Variants in NUP43 observed in about 807,000 individuals in gnomAD.
NUP43 encodes nucleoporin Nup43.
In NUP43, 32 loss-of-function variants were observed where a neutral mutation model predicts 47.3. That is an observed-to-expected ratio of 0.68 (90% CI 0.51 to 0.91). The LOEUF is 0.91. Among genes scored for constraint, NUP43 ranks in the 40% least tolerant of loss-of-function variants. The pLI, the probability that NUP43 is intolerant of heterozygous loss-of-function variation, is 0.00. For synonymous variants in NUP43, 147 were observed against 158.4 expected (o/e 0.93, Z 0.54); for missense variants, 444 against 453.9 (o/e 0.98, Z 0.20).
At position 149,746,524 on chromosome 6, in the gene NUP43, A is replaced by G. The variant is rs760208017; in HGVS notation, c.-29T>C. On this transcript the variant is annotated 5_prime_UTR_variant, in exon 1 of 8. Coordinates refer to ENST00000340413, the MANE Select transcript of NUP43 (RefSeq NM_198887.3). Reference sequence around the variant, plus strand: ...GAAAGCGGCCGCAGCAGGTACTGCAAAAAGCAAGCACAGTACGCGCCTCTC... The same window carrying G: ...GAAAGCGGCCGCAGCAGGTACTGCAGAAAGCAAGCACAGTACGCGCCTCTC... The G allele has an allele frequency of 1.2e-5, 20 of 1,614,132 alleles. No homozygotes were observed. The highest frequency in any genetic ancestry group is 1.7e-5 in the Non-Finnish European group (20 of 1,180,006).
chr6:149,745,290 C>A (rs1785915029), intron 2 of NUP43, among the ~76,000 whole-genome samples: 1 of 151,506 alleles, frequency 6.6e-6, no homozygotes, highest in Non-Finnish European at 1.5e-5. Context: ...GTCCCAGCTA[C>A]CCGGGAGGCT....
At chr6:149,735,010 G>A (rs1365052093) in intron 6 of NUP43, among the ~76,000 whole-genome samples, 1 of 152,026 alleles carries the variant, frequency 6.6e-6, no homozygotes, top group Non-Finnish European at 1.5e-5. Context: ...GCCTGCATTT[G>A]CATGGGAAAA....
chr6:149,726,340 A>T lies in NUP43; in HGVS notation c.*629T>A, dbSNP rs1306178903. 2.8e-5 allele frequency: 4 copies of T among 142,326 alleles called. No homozygotes were observed. The highest frequency in any genetic ancestry group is 1.1e-4 in the African/African-American group (4 of 38,028). The allele number at this position is 142,326 out of a possible 1,614,324, so 8.8% of individuals were successfully genotyped here. On this transcript the variant is annotated 3_prime_UTR_variant, in exon 8 of 8. Transcript: ENST00000340413. ...AGAATTGCTTGAACCTGGGAGGTGG[A>T]GGTTGCAGTGAGCCGAGATTGCACC...
At chr6:149,731,260 A>G in intron 7 of NUP43, 1 of 174,148 alleles carries the variant, frequency 5.7e-6, no homozygotes, top group Non-Finnish European at 1.2e-5. Context: ...ACTGAGTAAG[A>G]CTCTGTCTCA....
intron 2 of NUP43, among the ~76,000 whole-genome samples, chr6:149,745,708 A>G (rs1270668599): frequency 1.3e-5 from 2 of 152,228 alleles, no homozygotes; most frequent in Admixed American, 6.5e-5. Flanking sequence ...AACGGTATTT[A>G]GCACATAGTC....
chr6:149,731,960 C>T (rs1381889759), intron 6 of NUP43, among the ~76,000 whole-genome samples: 5 of 152,046 alleles, frequency 3.3e-5, no homozygotes, highest in Admixed American at 2.6e-4. Context: ...GAGGCTAAGG[C>T]GGGTGGATCA....
chr6:149,735,591 C>G (rs1225287473), intron 6 of NUP43, among the ~76,000 whole-genome samples: 2 of 108,696 alleles, frequency 1.8e-5, no homozygotes, highest in Non-Finnish European at 3.3e-5. Flanking sequence ...GAGAGAGACC[C>G]TGTCTCCAAA....
upstream of NUP43, among the ~76,000 whole-genome samples, chr6:149,749,163 C>A (rs1042472877): frequency 6.6e-6 from 1 of 151,182 alleles, no homozygotes; most frequent in East Asian, 1.9e-4. Flanking sequence ...AGCTTTAGAA[C>A]CGGGGTTCCA....
chr6:149,743,559 C>A, intron 3 of NUP43, 79 bp downstream of exon 3: 1 of 842,446 alleles, frequency 1.2e-6, no homozygotes, highest in Non-Finnish European at 1.9e-6. Context: ...TGCGCCACTG[C>A]ACTCCAGTGC....
chr6:149,735,233 AACTT>A (rs1385743492), intron 6 of NUP43, among the ~76,000 whole-genome samples: 10 of 152,120 alleles, frequency 6.6e-5, no homozygotes, highest in African/African-American at 2.2e-4. Context: ...TAGTATTATT[AACTT>A]TTTAAAGAGG....
At chr6:149,730,863 A>C (rs1358940958) in intron 7 of NUP43, among the ~76,000 whole-genome samples, 1 of 152,098 alleles carries the variant, frequency 6.6e-6, no homozygotes, top group Non-Finnish European at 1.5e-5. Context: ...ACTTAAGCCC[A>C]GGAGGGCGAG....
At chr6:149,731,757 G>A (rs367863362) in intron 6 of NUP43, 22 bp from the exon 7 acceptor site, 7 of 1,611,360 alleles carry the variant, frequency 4.3e-6, no homozygotes, top group Non-Finnish European at 5.1e-6. Flanking sequence ...GAATCAATAA[G>A]CTCATTCCTG....
upstream of NUP43, among the ~76,000 whole-genome samples, chr6:149,748,725 C>T (rs1183052810): frequency 6.6e-6 from 1 of 150,668 alleles, no homozygotes; most frequent in Admixed American, 6.7e-5. Flanking sequence ...AGGAGAATGG[C>T]CTGAACCTGG....
chr6:149,744,868 G>A (rs1785882530), intron 2 of NUP43, among the ~76,000 whole-genome samples: 1 of 151,232 alleles, frequency 6.6e-6, no homozygotes, highest in East Asian at 1.9e-4. Flanking sequence ...CCTAGAGCTA[G>A]ATAGCTTTCT....
At chr6:149,744,400 TGTACTCC>T (rs1396167424) in intron 2 of NUP43, among the ~76,000 whole-genome samples, 1 of 151,350 alleles carries the variant, frequency 6.6e-6, no homozygotes, top group Admixed American at 6.6e-5. Flanking sequence ...GGCATGTGCC[TGTACTCC>T]CAGCTACTCA....
intron 6 of NUP43, 70 bp from the exon 7 acceptor site, chr6:149,731,805 T>C: frequency 6.6e-7 from 1 of 1,522,412 alleles, no homozygotes; most frequent in African/African-American, 1.4e-5. Context: ...AACCCCCATC[T>C]CTAGGCATCA....
In NUP43 at chr6:149,726,982, T is replaced by C. The variant is rs1784816825; in HGVS notation, c.1130A>G (p.His377Arg). The change falls in exon 8 of 8, where the codon CAT becomes CGT. Residue 377 changes from histidine to arginine, a missense_variant. Coordinates refer to ENST00000340413, the MANE Select transcript of NUP43 (RefSeq NM_198887.3). ...TDAEAIYVTR[H>R]LFS ...ATTATAGTACTTCTACGAAAAAAGA[T>C]GTCTAGTAACATAAATTGCTTCTGC... 1 of 1,612,634 alleles carries C rather than the reference T, an allele frequency of 6.2e-7. No homozygotes were observed. The highest frequency in any genetic ancestry group is 1.3e-5 in the African/African-American group (1 of 75,026).
intron 5 of NUP43, among the ~76,000 whole-genome samples, chr6:149,738,223 T>C (rs1041026224): frequency 6.6e-6 from 1 of 152,202 alleles, no homozygotes; most frequent in African/African-American, 2.4e-5. Context: ...TATTTAATGC[T>C]TAGTTTATGT....
intron 6 of NUP43, among the ~76,000 whole-genome samples, chr6:149,735,254 T>A (rs1477160300): frequency 6.6e-6 from 1 of 152,076 alleles, no homozygotes; most frequent in Non-Finnish European, 1.5e-5. Context: ...GAGGTTATGT[T>A]GCCTAAGCTG....
Sources: allele counts gnomAD v4.1 joint callset (sites outside exome capture counted in the v4.1 genomes callset), GRCh38; gene constraint gnomAD v4.1.1; transcripts MANE v1.5; gene names NCBI Gene and HGNC (gene_info 2026-07-23, HGNC 2026-07-21).